ZDHHC5: variants seen among roughly 807,000 people sequenced by gnomAD.
The protein encoded by ZDHHC5 is palmitoyltransferase ZDHHC5.
Under a neutral mutation model 70.0 loss-of-function variants are expected in ZDHHC5, and 22 were observed. That is an observed-to-expected ratio of 0.31 (90% CI 0.22 to 0.45). ZDHHC5 has a LOEUF of 0.45. Ranked by LOEUF, ZDHHC5 falls within the 20% of genes least tolerant of loss-of-function variation. The pLI is 1.00. For missense variants in ZDHHC5, 746 were observed against 926.9 expected, an observed-to-expected ratio of 0.80 and a Z score of 2.53; for synonymous variants, 313 against 347.8, an observed-to-expected ratio of 0.90 and a Z score of 1.11.
At position 57,693,213 on chromosome 11, in the gene ZDHHC5, A is replaced by G. The variant is rs1011916713; in HGVS notation, c.752+511A>G. Among the ~76,000 whole-genome samples, 14 of 152,192 alleles carry G rather than the reference A, an allele frequency of 9.2e-5. No homozygotes were observed. The South Asian group carries it at 2.7e-3, about 29-fold the overall frequency. ...TCCCAGCTACTTGGGAGGCTGAGGC[A>G]GGATAATTGCCTGAACCCAGGAGGC... On this transcript the variant is annotated intron_variant, in intron 7 of 11. Transcript: ENST00000287169.
intron 3 of ZDHHC5, among the ~76,000 whole-genome samples, chr11:57,687,782 T>A (rs1330690114): frequency 2.7e-5 from 3 of 109,880 alleles, no homozygotes; most frequent in Non-Finnish European, 5.3e-5. Flanking sequence ...TTTTTTTTTT[T>A]AAGATGAAGA....
Position 57,696,049 on chromosome 11 carries a change from G to T in ZDHHC5, c.1009+6G>T. The T allele has an allele frequency of 1.2e-6, 2 of 1,606,488 alleles. No individual in the cohort carries two copies. Among genetic ancestry groups the T allele is most frequent in the Non-Finnish European group, 1.7e-6 (2 of 1,177,748 alleles). ...CGGCTTGGCTACTAATGAGGGTAAGGGCTGCCTTGATTTGCAAGATACTAG... is the reference window on the plus strand; with the variant it reads ...CGGCTTGGCTACTAATGAGGGTAAGTGCTGCCTTGATTTGCAAGATACTAG... On this transcript the variant is annotated splice_donor_region_variant and intron_variant, in intron 9 of 11. Transcript: ENST00000287169.
In ZDHHC5 at chr11:57,698,975, G is replaced by C; in HGVS notation, c.1539G>C (p.Glu513Asp). 6.2e-7 allele frequency: 1 copy of C among 1,612,040 alleles called. No individual in the cohort carries two copies. The highest frequency in any genetic ancestry group is 2.2e-5 in the East Asian group (1 of 44,870). ...SARLAQQREA[E>D]RHPRLVPTGP... The stretch of plus-strand genomic sequence containing the variant: ...GGCTGGCCCAGCAACGGGAAGCTGA[G>C]AGGCACCCACGTTTGGTGCCAACTG... The change falls in exon 11 of 12, where the codon GAG (glutamate) becomes GAC (aspartate). Residue 513 changes from glutamate to aspartate, a missense_variant. By Grantham distance (45) the Glu-to-Asp change is conservative. Coordinates refer to ENST00000287169, the MANE Select transcript of ZDHHC5 (RefSeq NM_015457.3).
chr11:57,687,772 TTTTTTTTTTTAAGATG>T (rs1490298730), intron 3 of ZDHHC5, among the ~76,000 whole-genome samples: 1 of 119,950 alleles, frequency 8.3e-6, no homozygotes, highest in East Asian at 6.3e-4. Context: ...TTTTTTTTTT[TTTTTTTTTTTAAGATG>T]AAGATGAAGT....
In ZDHHC5 at chr11:57,672,505, A is replaced by G. The variant is rs929740529; in HGVS notation, c.-586A>G. On this transcript the variant is annotated 5_prime_UTR_variant, in exon 2 of 12. Coordinates refer to ENST00000287169, the MANE Select transcript of ZDHHC5 (RefSeq NM_015457.3). Reference sequence around the variant, plus strand: ...AAAGAGACAAAGACTGCAGTAAACAAAGCTCCTCTTTAAAGTTGGAAGGGG... The same window carrying G: ...AAAGAGACAAAGACTGCAGTAAACAGAGCTCCTCTTTAAAGTTGGAAGGGG... 2 of 344,534 alleles carry G rather than the reference A, an allele frequency of 5.8e-6. No individual in the cohort carries two copies. The highest frequency in any genetic ancestry group is 1.0e-5 in the Non-Finnish European group (2 of 192,930). 21.3% of individuals were successfully genotyped at this position (344,534 alleles called of 1,614,324 possible).
Position 57,673,074 on chromosome 11 carries a change from C to G in ZDHHC5, c.-17C>G. ...CTGGGCTATGCGGCAGGGCAGATTT[C>G]CCATCAGAGCTCCAACATGCCCGCA... On this transcript the variant is annotated 5_prime_UTR_variant, in exon 2 of 12. Transcript: ENST00000287169. 2 of 1,613,412 alleles carry G rather than the reference C, an allele frequency of 1.2e-6. No homozygotes were observed. Among genetic ancestry groups the G allele is most frequent in the Non-Finnish European group, 8.5e-7 (1 of 1,179,450 alleles).
In ZDHHC5 at chr11:57,691,067, CT is replaced by C. The variant is rs547215636; in HGVS notation, c.660+637del. ...AAGGCTGAATTTTGCCCTAAAATAT[CT>C]TTTTTTATTTTTTATTTTTTTGAGA... On this transcript the variant is annotated intron_variant, in intron 6 of 11. Transcript: ENST00000287169. Among the ~76,000 whole-genome samples the C allele has an allele frequency of 1.3e-3, 199 of 152,084 alleles. 2 individuals are homozygous for C. Among genetic ancestry groups the C allele is most frequent in the Admixed American group, 0.012 (188 of 15,238 alleles).
chr11:57,680,987 C>A (rs553316338), intron 2 of ZDHHC5, among the ~76,000 whole-genome samples: 1 of 152,284 alleles, frequency 6.6e-6, no homozygotes, highest in African/African-American at 2.4e-5. Context: ...ACTGACATAT[C>A]AAGAGAACCA....
chr11:57,679,008 C>G (rs1946110988), intron 2 of ZDHHC5, among the ~76,000 whole-genome samples: 1 of 152,116 alleles, frequency 6.6e-6, no homozygotes, highest in African/African-American at 2.4e-5. Flanking sequence ...GGATTAAAAT[C>G]CAAAGATTCT....
At chr11:57,692,409 A>T (rs1354420709) in intron 6 of ZDHHC5, among the ~76,000 whole-genome samples, 1 of 152,204 alleles carries the variant, frequency 6.6e-6, no homozygotes, top group East Asian at 1.9e-4. Flanking sequence ...GTCAGCAACC[A>T]TGAGGTAGAC....
intron 4 of ZDHHC5, 149 bp from the exon 5 acceptor site, chr11:57,689,882 A>G: frequency 1.9e-6 from 2 of 1,078,518 alleles, no homozygotes; most frequent in Admixed American, 5.0e-5. Flanking sequence ...TCTCCCTTGC[A>G]GATTTATAGA....
chr11:57,693,794 G>C lies in ZDHHC5; in HGVS notation c.764G>C (p.Arg255Thr), dbSNP rs1946315680. ...CTCTCGACACTTAGGTATTTGGGGAGACCAAAGAAAGAGAAGACAATTGTA... is the reference window on the plus strand; with the variant it reads ...CTCTCGACACTTAGGTATTTGGGGACACCAAAGAAAGAGAAGACAATTGTA... ...CSSPAPRYLGRPKKEKTIVIR... is the reference protein window; with the variant it reads ...CSSPAPRYLGTPKKEKTIVIR... Residue 255 changes from arginine (R) to threonine (T), a missense_variant, in exon 8 of 12, where the codon AGA (arginine) becomes ACA (threonine). Transcript: ENST00000287169. 1.9e-6 allele frequency: 3 copies of C among 1,567,292 alleles called. No homozygotes were observed. Among genetic ancestry groups the C allele is most frequent in the Non-Finnish European group, 2.6e-6 (3 of 1,156,604 alleles).
chr11:57,699,195 T>C lies in ZDHHC5; in HGVS notation c.1759T>C (p.Ser587Pro). 1 of 1,614,202 alleles carries C rather than the reference T, an allele frequency of 6.2e-7. No homozygotes were observed. Among genetic ancestry groups the C allele is most frequent in the Non-Finnish European group, 8.5e-7 (1 of 1,180,044 alleles). ...CCATGCCCCTCGTACTAGTTCCTCC[T>C]CAGATGATTCAAAGAGATCACCTTT... The part of the protein sequence containing the change: ...SGHAPRTSSS[S>P]DDSKRSPLGK... The change falls in exon 11 of 12, where the codon TCA (serine) becomes CCA (proline). Residue 587 changes from serine (S) to proline (P), a missense_variant. Ser to Pro is a moderately conservative substitution (Grantham distance 74, BLOSUM62 -1). Transcript: ENST00000287169.
In ZDHHC5 at chr11:57,699,178, C is replaced by G; in HGVS notation, c.1742C>G (p.Pro581Arg). The G allele has an allele frequency of 1.2e-6, 2 of 1,614,246 alleles. No homozygotes were observed. Among genetic ancestry groups the G allele is most frequent in the Non-Finnish European group, 1.7e-6 (2 of 1,180,044 alleles). The change falls in exon 11 of 12, where the codon CCT (proline) becomes CGT (arginine). Residue 581 changes from proline to arginine, a missense_variant. By Grantham distance (103) the Pro-to-Arg change is moderately radical (BLOSUM62 -2). Transcript: ENST00000287169. ...TCAACACCAGGCTCGGGCCATGCCC[C>G]TCGTACTAGTTCCTCCTCAGATGAT... is the stretch of plus-strand genomic sequence containing the variant. ...IQSTPGSGHA[P>R]RTSSSSDDSK...
intron 7 of ZDHHC5, among the ~76,000 whole-genome samples, chr11:57,693,156 A>G (rs1446499225): frequency 6.6e-6 from 1 of 152,202 alleles, no homozygotes; most frequent in East Asian, 1.9e-4. Context: ...AAAATACAAA[A>G]ATTAGCTGGG....
At chr11:57,687,473 A>G (rs985087396) in intron 3 of ZDHHC5, among the ~76,000 whole-genome samples, 1 of 152,056 alleles carries the variant, frequency 6.6e-6, no homozygotes, top group African/African-American at 2.4e-5. Flanking sequence ...TGGGAGGCTG[A>G]GACAGAAGTA....
At chr11:57,688,312 A>C (rs1229023872) in intron 3 of ZDHHC5, among the ~76,000 whole-genome samples, 196 bp from the exon 4 acceptor site, 1 of 152,168 alleles carries the variant, frequency 6.6e-6, no homozygotes, top group African/African-American at 2.4e-5. Flanking sequence ...ATGCAGAATA[A>C]ATTGCTCCCT....
chr11:57,697,411 C>T (rs1324076619), intron 10 of ZDHHC5, among the ~76,000 whole-genome samples: 1 of 151,666 alleles, frequency 6.6e-6, no homozygotes. Context: ...TGCAGTTAGC[C>T]GAGATCATGC....
chr11:57,678,570 C>A (rs908478960), intron 2 of ZDHHC5, among the ~76,000 whole-genome samples: 1,330 of 100,528 alleles, frequency 0.013, no homozygotes, highest in African/African-American at 0.015. Context: ...AACTCTGTCT[C>A]AAAAAAAAAA....
Sources: allele counts gnomAD v4.1 joint callset (sites outside exome capture counted in the v4.1 genomes callset), GRCh38; gene constraint gnomAD v4.1.1; transcripts MANE v1.5; gene names NCBI Gene and HGNC (gene_info 2026-07-23, HGNC 2026-07-21).